Variants in TULP4 observed in about 807,000 individuals in gnomAD.
The protein encoded by TULP4 is tubby-related protein 4.
In TULP4, 16 loss-of-function variants were observed where a neutral mutation model predicts 129.0. The ratio of observed to expected loss-of-function variants is 0.12; its 90% CI spans 0.08 to 0.19. The LOEUF is 0.19. TULP4 is among the 10% of genes least tolerant of loss of function. The probability of loss-of-function intolerance (pLI) is 1.00; values close to 1 mark genes in which losing one functional copy is unlikely to be tolerated. For synonymous variants in TULP4, 998 were observed against 854.0 expected, an observed-to-expected ratio of 1.17 and a Z score of -2.94; for missense variants, 1,842 against 2,059.1, an observed-to-expected ratio of 0.89 and a Z score of 2.04.
chr6:158,458,405 C>G (rs555681621), intron 5 of TULP4, among the ~76,000 whole-genome samples: 3 of 152,262 alleles, frequency 2.0e-5, no homozygotes, highest in African/African-American at 7.2e-5. Context: ...AACATAGATG[C>G]TTCCAGAGTA....
chr6:158,474,447 T>G (rs1039450288), intron 6 of TULP4, among the ~76,000 whole-genome samples: 1 of 152,058 alleles, frequency 6.6e-6, no homozygotes, highest in Non-Finnish European at 1.5e-5. Context: ...TCTATCCAAC[T>G]CACTGCTATA....
chr6:158,308,565 C>T (rs926752694), upstream of TULP4, among the ~76,000 whole-genome samples: 3 of 151,860 alleles, frequency 2.0e-5, no homozygotes, highest in African/African-American at 7.3e-5. Context: ...TCTTCACTTC[C>T]CAGTAGGGGT....
At chr6:158,319,462 C>G (rs1779574167) in intron 1 of TULP4, among the ~76,000 whole-genome samples, 1 of 152,120 alleles carries the variant, frequency 6.6e-6, no homozygotes, top group African/African-American at 2.4e-5. Context: ...CAGAAAAACC[C>G]TGTGTCCCCA....
intron 1 of TULP4, among the ~76,000 whole-genome samples, chr6:158,339,262 G>A (rs1161183044): frequency 6.6e-6 from 1 of 152,174 alleles, no homozygotes; most frequent in African/African-American, 2.4e-5. Flanking sequence ...TCAAAGGGGA[G>A]GGTGTTACGA....
At chr6:158,395,956 A>G (rs544401309) in intron 1 of TULP4, among the ~76,000 whole-genome samples, 2 of 152,220 alleles carry the variant, frequency 1.3e-5, no homozygotes, top group South Asian at 2.1e-4. Context: ...ATGAAATACG[A>G]TGTCGAGTGA....
chr6:158,337,067 C>CTTTCTTTCT (rs1255005954), intron 1 of TULP4, among the ~76,000 whole-genome samples: 4 of 3,870 alleles, frequency 1.0e-3, no homozygotes, highest in Non-Finnish European at 4.6e-3. Flanking sequence ...TTCTTTCTTT[C>CTTTCTTTCT]TTTCTTTTCT....
chr6:158,483,562 G>A (rs1393455547), intron 8 of TULP4, among the ~76,000 whole-genome samples: 1 of 152,120 alleles, frequency 6.6e-6, no homozygotes, highest in Non-Finnish European at 1.5e-5. Context: ...CTGGGTTCCA[G>A]TAGTCCTCCG....
chr6:158,272,855 C>G (rs1044678737), intron 1 of TULP4, among the ~76,000 whole-genome samples: 3 of 152,206 alleles, frequency 2.0e-5, no homozygotes, highest in African/African-American at 7.2e-5. Context: ...CATACTTTAT[C>G]TTAGCTAGAA....
chr6:158,365,672 C>A (rs1341862804), intron 1 of TULP4, among the ~76,000 whole-genome samples: 1 of 151,342 alleles, frequency 6.6e-6, no homozygotes, highest in Non-Finnish European at 1.5e-5. Context: ...GGGGTTTCAC[C>A]ATGTTAGCCA....
At chr6:158,342,987 A>T (rs1259316402) in intron 1 of TULP4, among the ~76,000 whole-genome samples, 3 of 94,174 alleles carry the variant, frequency 3.2e-5, no homozygotes, top group Non-Finnish European at 4.7e-5. Context: ...GTGTGTGTGT[A>T]GGCACTGCCT....
At chr6:158,485,900 C>T (rs2128252753) in intron 8 of TULP4, among the ~76,000 whole-genome samples, 1 of 152,330 alleles carries the variant, frequency 6.6e-6, no homozygotes, top group East Asian at 1.9e-4. Context: ...TTTGGAAGCA[C>T]ATAACTTCTC....
At chr6:158,378,431 A>G (rs1424268549) in intron 1 of TULP4, among the ~76,000 whole-genome samples, 1 of 143,348 alleles carries the variant, frequency 7.0e-6, no homozygotes, top group East Asian at 2.1e-4. Context: ...GATATTATAT[A>G]TAAAAATTGA....
At chr6:158,455,896 C>T (rs1446414397) in intron 5 of TULP4, among the ~76,000 whole-genome samples, 4 of 152,104 alleles carry the variant, frequency 2.6e-5, no homozygotes, top group Non-Finnish European at 5.9e-5. Flanking sequence ...CCTGAAATGA[C>T]TGACAGTAGA....
intron 1 of TULP4, among the ~76,000 whole-genome samples, chr6:158,374,937 T>C (rs773902897): frequency 1.3e-5 from 2 of 152,220 alleles, no homozygotes; most frequent in Admixed American, 6.5e-5. Flanking sequence ...TATGCTTACC[T>C]AAGCCAAGTG....
chr6:158,390,140 A>G (rs1334042054), intron 1 of TULP4, among the ~76,000 whole-genome samples: 1 of 152,228 alleles, frequency 6.6e-6, no homozygotes, highest in Non-Finnish European at 1.5e-5. Context: ...AGGATAAAAA[A>G]GTATATAAAA....
intron 9 of TULP4, among the ~76,000 whole-genome samples, chr6:158,490,422 C>G (rs1780173741): frequency 6.6e-6 from 1 of 152,108 alleles, no homozygotes; most frequent in South Asian, 2.1e-4. Flanking sequence ...AAATAAATGC[C>G]TGTAATGCCG....
intron 6 of TULP4, among the ~76,000 whole-genome samples, chr6:158,472,731 C>T (rs189830097): frequency 6.6e-6 from 1 of 152,260 alleles, no homozygotes; most frequent in East Asian, 1.9e-4. Flanking sequence ...CGTACAAAAC[C>T]ATTGCCTGGG....
rs565090954 is a variant in TULP4, at chr6:158,455,510, G to C, written c.859+3242G>C. Among the ~76,000 whole-genome samples, 7 of 152,182 alleles carry C rather than the reference G, an allele frequency of 4.6e-5. No individual in the cohort carries two copies. The South Asian group carries it at 1.5e-3, about 32-fold the overall frequency. On this transcript the variant is annotated intron_variant, in intron 5 of 13. Coordinates refer to ENST00000367097, the MANE Select transcript of TULP4 (RefSeq NM_020245.5). Reference sequence around the variant, plus strand: ...CCAGCACTTTGGGAGGCTGAGGCAGGTGAATCACCTGAGGTCAGGAGTTCG... The same window carrying C: ...CCAGCACTTTGGGAGGCTGAGGCAGCTGAATCACCTGAGGTCAGGAGTTCG...
At chr6:158,441,703 C>T (rs180674293) in intron 3 of TULP4, among the ~76,000 whole-genome samples, 1 of 152,294 alleles carries the variant, frequency 6.6e-6, no homozygotes, top group Non-Finnish European at 1.5e-5. Flanking sequence ...CTCAGCTGGA[C>T]CTCAATCTTG....
Sources: allele counts gnomAD v4.1 joint callset (sites outside exome capture counted in the v4.1 genomes callset), GRCh38; gene constraint gnomAD v4.1.1; transcripts MANE v1.5; gene names NCBI Gene and HGNC (gene_info 2026-07-23, HGNC 2026-07-21).